ZNF283: variants seen among roughly 807,000 people sequenced by gnomAD.
ZNF283 encodes the protein zinc finger protein 283, also known as zinc finger protein 41.
ZNF283 carries 10 observed loss-of-function variants against 9.2 expected under a neutral mutation model. The observed-to-expected ratio is 1.09, with a 90% CI of 0.67 to 1.85. ZNF283 has a LOEUF of 1.85. Among genes scored for constraint, ZNF283 ranks in the 40% most tolerant of loss-of-function variants. ZNF283 has a pLI of 0.00. For missense variants in ZNF283, 631 were observed against 760.1 expected, an observed-to-expected ratio of 0.83 and a Z score of 2.00; for synonymous variants, 234 against 244.1, an observed-to-expected ratio of 0.96 and a Z score of 0.38.
At chr19:43,831,716 C>G (rs1349175810) in intron 3 of ZNF283, among the ~76,000 whole-genome samples, 1 of 152,164 alleles carries the variant, frequency 6.6e-6, no homozygotes, top group Non-Finnish European at 1.5e-5. Context: ...GCAACCTCCA[C>G]CTCCCAGGCT....
chr19:43,840,869 T>TTA (rs113031603), intron 6 of ZNF283: 61,256 of 151,608 alleles, frequency 0.4, 12,801 homozygotes, highest in South Asian at 0.55. Flanking sequence ...TTCTCCTTTT[T>TTA]TTTTTTTATT....
Position 43,837,528 on chromosome 19 carries a change from C to G in ZNF283, c.337+349C>G, listed in dbSNP as rs545009426. 2.4e-4 allele frequency: 86 copies of G among 353,048 alleles called. No individual in the cohort carries two copies. The East Asian group carries it at 3.6e-3, about 15-fold the overall frequency. The allele number at this position is 353,048 out of a possible 1,614,324, so 21.9% of individuals were successfully genotyped here. A position where few individuals can be genotyped will look rare whatever the true frequency, so the allele number is the denominator to read the frequency against. ...ATATTGAATATCTACTCCTGGCCAG[C>G]CTTGTGCTGAGCACTGTCAATTGAA... On this transcript the variant is annotated intron_variant, in intron 6 of 6. Coordinates refer to ENST00000618787, the MANE Select transcript of ZNF283 (RefSeq NM_181845.2).
chr19:43,843,266 G>A (rs762184080), intron 6 of ZNF283, among the ~76,000 whole-genome samples: 9 of 152,154 alleles, frequency 5.9e-5, no homozygotes, highest in Non-Finnish European at 8.8e-5. Flanking sequence ...GCTTGAACCC[G>A]AGAGGCGGAG....
intron 2 of ZNF283, among the ~76,000 whole-genome samples, chr19:43,830,927 A>G (rs985309711): frequency 1.2e-4 from 16 of 130,750 alleles, no homozygotes; most frequent in African/African-American, 4.2e-4. Context: ...AAAAAAAAAA[A>G]ATTAGTGTCC....
intron 6 of ZNF283, among the ~76,000 whole-genome samples, chr19:43,845,962 G>A (rs966476668): frequency 1.3e-5 from 2 of 152,092 alleles, no homozygotes; most frequent in African/African-American, 4.8e-5. Flanking sequence ...TTTTGACAGG[G>A]TAGTTTGAGC....
At chr19:43,831,595 T>A (rs1009774998) in intron 3 of ZNF283, among the ~76,000 whole-genome samples, 1 of 152,188 alleles carries the variant, frequency 6.6e-6, no homozygotes, top group African/African-American at 2.4e-5. Context: ...AATTGCATCC[T>A]CTAGAGTTAA....
chr19:43,840,416 A>G (rs1374943692), intron 6 of ZNF283, among the ~76,000 whole-genome samples: 2 of 152,086 alleles, frequency 1.3e-5, no homozygotes, highest in Non-Finnish European at 2.9e-5. Flanking sequence ...CCAGGTCCCA[A>G]CCGGCTGTTC....
At chr19:43,831,469 T>C in intron 3 of ZNF283, 88 bp downstream of exon 3, 1 of 1,052,560 alleles carries the variant, frequency 9.5e-7, no homozygotes, top group Non-Finnish European at 1.4e-6. Context: ...ATTCCTCCTG[T>C]CACTCAGTTT....
intron 2 of ZNF283, among the ~76,000 whole-genome samples, chr19:43,830,020 C>T (rs1970636541): frequency 6.6e-6 from 1 of 152,144 alleles, no homozygotes; most frequent in African/African-American, 2.4e-5. Context: ...AAGACTGTCT[C>T]ACACACAGAC....
chr19:43,828,482 G>A (rs1339559662), intron 2 of ZNF283, among the ~76,000 whole-genome samples: 1 of 152,022 alleles, frequency 6.6e-6, no homozygotes, highest in African/African-American at 2.4e-5. Flanking sequence ...TGTTCATATG[G>A]CAAATTGTTC....
rs781638087 is a variant in ZNF283, at chr19:43,848,199, A to C, written c.1598A>C (p.His533Pro). The change falls in exon 7 of 7, where the codon CAT (histidine) becomes CCT (proline). Residue 533 changes from histidine to proline, a missense_variant. By Grantham distance (77) the His-to-Pro change is moderately conservative. Around this residue, in one of 3 missense-constraint regions of ZNF283, gnomAD observed 444 missense variants for 522.5 expected, o/e 0.85. Transcript: ENST00000618787. The part of the protein sequence containing the change: ...AFNCGSSLVQ[H>P]ERIHTGEKPY... ...AATTGTGGATCAAGCCTTGTTCAAC[A>C]TGAAAGAATCCATACAGGGGAGAAA... 1 of 1,614,038 alleles carries C rather than the reference A, an allele frequency of 6.2e-7. No homozygotes were observed. Among genetic ancestry groups the C allele is most frequent in the Non-Finnish European group, 8.5e-7 (1 of 1,179,960 alleles).
Position 43,831,382 on chromosome 19 carries a change from G to GT in ZNF283, c.-1+2dup. 1 of 1,593,938 alleles carries GT rather than the reference G, an allele frequency of 6.3e-7. No individual in the cohort carries two copies. The highest frequency in any genetic ancestry group is 1.1e-5 in the South Asian group (1 of 89,878). Reference sequence around the variant, plus strand: ...ACAGCTACAGGATGTTCGAGAGCTGGTAGGTGTAAATTGTTTCAGGCCCAC... The same window carrying GT: ...ACAGCTACAGGATGTTCGAGAGCTGGTTAGGTGTAAATTGTTTCAGGCCCAC... On this transcript the variant is annotated splice_donor_variant, in intron 3 of 6. Transcript: ENST00000618787. LOFTEE classifies it low-confidence loss of function (5UTR_SPLICE).
chr19:43,831,734 T>A (rs1412410511), intron 3 of ZNF283, among the ~76,000 whole-genome samples: 1 of 152,176 alleles, frequency 6.6e-6, no homozygotes, highest in Non-Finnish European at 1.5e-5. Flanking sequence ...GCTCAAGCGA[T>A]CCTCCCACCT....
chr19:43,842,693 A>T (rs1971262717), intron 6 of ZNF283, among the ~76,000 whole-genome samples: 1 of 152,220 alleles, frequency 6.6e-6, no homozygotes. Context: ...AAATATTCTC[A>T]TAACAATACT....
At chr19:43,834,580 TTTTTATTTTTTA>T (rs1474266963) in intron 4 of ZNF283, among the ~76,000 whole-genome samples, 6 of 151,054 alleles carry the variant, frequency 4.0e-5, no homozygotes, top group Non-Finnish European at 4.4e-5. Context: ...ATAATTTTAT[TTTTTATTTTTTA>T]TTTTATTTAT....
At chr19:43,845,416 T>G (rs1599729634) in intron 6 of ZNF283, among the ~76,000 whole-genome samples, 1 of 152,224 alleles carries the variant, frequency 6.6e-6, no homozygotes. Context: ...GAAAAGGCAT[T>G]AACAAAAAGA....
In ZNF283 at chr19:43,847,435, T is replaced by G. The variant is rs376591773; in HGVS notation, c.834T>G (p.Leu278=). The G allele has an allele frequency of 6.2e-7, 1 of 1,613,900 alleles. No homozygotes were observed. Among genetic ancestry groups the G allele is most frequent in the African/African-American group, 1.3e-5 (1 of 74,900 alleles). ...AGACCTTTAGCTGGGGATCAAGCCT[T>G]GTTAAACATGAGAGAATTCACACTG... ...CGKTFSWGSS[L]VKHERIHTGE... The change falls in exon 7 of 7, where the codon CTT becomes CTG. Residue 278 remains leucine (L), a synonymous_variant. Coordinates refer to ENST00000618787, the MANE Select transcript of ZNF283 (RefSeq NM_181845.2).
Position 43,845,298 on chromosome 19 carries a change from C to T in ZNF283, c.338-1641C>T, listed in dbSNP as rs796423644. On this transcript the variant is annotated intron_variant, in intron 6 of 6. Transcript: ENST00000618787. The stretch of plus-strand genomic sequence containing the variant: ...GATTGTTTCTAGTATCTTTTGTAAG[C>T]GAAAGAGCAAATCTTTGTGCTTGCT... Among the ~76,000 whole-genome samples the T allele has an allele frequency of 7.2e-5, 11 of 152,116 alleles. 1 individual carries two copies. Among genetic ancestry groups the T allele is most frequent in the African/African-American group, 2.2e-4 (9 of 41,522 alleles).
intron 5 of ZNF283, 125 bp from the exon 6 acceptor site, chr19:43,836,928 G>A (rs1480808202): frequency 9.8e-7 from 1 of 1,022,064 alleles, no homozygotes; most frequent in Non-Finnish European, 1.5e-6. Flanking sequence ...CTATATCAGA[G>A]GCTTTCAGCC....
Sources: gnomAD v4.1 joint callset for allele counts (sites outside exome capture counted in the v4.1 genomes callset) on GRCh38, gnomAD v4.1.1 for gene constraint, gnomAD v4.1.1 regional missense constraint, MANE v1.5 for transcripts, NCBI Gene and HGNC (gene_info 2026-07-23, HGNC 2026-07-21) for gene names.